The following STPG4 variants were observed in gnomAD, a reference collection of about 807,000 sequenced individuals.
STPG4 encodes sperm-tail PG-rich repeat containing 4.
Under a neutral mutation model 31.5 loss-of-function variants are expected in STPG4, and 41 were observed. The observed-to-expected ratio is 1.30, with a 90% CI of 1.01 to 1.69. The LOEUF (loss-of-function observed/expected upper bound fraction) is 1.69, where lower values mean the gene tolerates loss of function less well. STPG4 is among the 40% of genes most tolerant of loss of function. The pLI is 0.00. For missense variants in STPG4, 375 were observed against 293.4 expected (o/e 1.28, Z -2.03); for synonymous variants, 141 against 103.0 (o/e 1.37, Z -2.24).
In STPG4 at chr2:47,087,074, C is replaced by G; in HGVS notation, c.681G>C (p.Pro227=). 6.4e-7 allele frequency: 1 copy of G among 1,551,754 alleles called. No homozygotes were observed. The highest frequency in any genetic ancestry group is 8.7e-7 in the Non-Finnish European group (1 of 1,146,990). The change falls in exon 7 of 7, where the codon CCG becomes CCC. Residue 227 remains proline (P), a synonymous_variant. Transcript: ENST00000445927. The stretch of plus-strand genomic sequence containing the variant: ...GCTCTTGGCCCATTTTGGCTATGGT[C>G]GGAGACTGCTTAGGGAATTGTCTTA... ...TTLRQFPKQS[P]TIAKMGQEHS...
At chr2:47,143,954 C>G (rs1236789040) in intron 3 of STPG4, among the ~76,000 whole-genome samples, 3 of 152,132 alleles carry the variant, frequency 2.0e-5, no homozygotes, top group African/African-American at 7.2e-5. Context: ...TTTGCATTGA[C>G]TGACCTTGTT....
intron 5 of STPG4, among the ~76,000 whole-genome samples, chr2:47,107,931 T>C (rs1352515365): frequency 6.6e-6 from 1 of 151,992 alleles, no homozygotes; most frequent in East Asian, 1.9e-4. Flanking sequence ...AGAACCTTTA[T>C]GTCTAGCTCA....
intron 3 of STPG4, among the ~76,000 whole-genome samples, chr2:47,138,706 C>A (rs913661681): frequency 4.6e-5 from 7 of 152,190 alleles, no homozygotes; most frequent in Non-Finnish European, 8.8e-5. Context: ...CGTGCCACCA[C>A]ACCCAGCTAA....
intron 5 of STPG4, among the ~76,000 whole-genome samples, chr2:47,108,212 G>A (rs1295235347): frequency 2.0e-5 from 3 of 151,448 alleles, no homozygotes; most frequent in Non-Finnish European, 2.9e-5. Context: ...CTACCAATCA[G>A]CAGGATGTGG....
intron 5 of STPG4, among the ~76,000 whole-genome samples, chr2:47,127,253 T>C (rs13002755): frequency 1.2e-4 from 1 of 8,362 alleles, no homozygotes; most frequent in African/African-American, 2.4e-4. Context: ...AAGCTAATTC[T>C]TTTTTTTTTT....
At chr2:47,095,042 G>C (rs984896079) in intron 5 of STPG4, among the ~76,000 whole-genome samples, 1 of 152,218 alleles carries the variant, frequency 6.6e-6, no homozygotes, top group Admixed American at 6.5e-5. Context: ...GCCTCCTAGA[G>C]AACGTGAGAG....
At chr2:47,126,520 T>G (rs192351077) in intron 5 of STPG4, among the ~76,000 whole-genome samples, 77 of 151,918 alleles carry the variant, frequency 5.1e-4, no homozygotes, top group African/African-American at 1.8e-3. Context: ...AGAGATGGAG[T>G]CTCTCTATGT....
chr2:47,090,560 G>A (rs1685550924), intron 5 of STPG4, among the ~76,000 whole-genome samples, 186 bp from the exon 6 acceptor site: 2 of 152,178 alleles, frequency 1.3e-5, no homozygotes, highest in South Asian at 2.1e-4. Flanking sequence ...AGTAACTCCT[G>A]CCTCACCTTC....
chr2:47,103,910 G>T (rs183268641), intron 5 of STPG4, among the ~76,000 whole-genome samples: 1 of 151,902 alleles, frequency 6.6e-6, no homozygotes, highest in East Asian at 1.9e-4. Context: ...TGTCCTGGAC[G>T]ACTATCCTCA....
At chr2:47,115,639 T>C (rs1013821224) in intron 5 of STPG4, among the ~76,000 whole-genome samples, 2 of 148,420 alleles carry the variant, frequency 1.3e-5, no homozygotes, top group African/African-American at 4.9e-5. Flanking sequence ...CCATCTCTTG[T>C]TCACATTAAA....
At chr2:47,152,841 G>A in intron 2 of STPG4, 116 bp downstream of exon 2, 1 of 696,126 alleles carries the variant, frequency 1.4e-6, no homozygotes. Context: ...GGTCCATGCA[G>A]ATCTGAACAA....
chr2:47,120,543 G>C (rs1190311298), intron 5 of STPG4, among the ~76,000 whole-genome samples: 1 of 147,242 alleles, frequency 6.8e-6, no homozygotes, highest in Non-Finnish European at 1.5e-5. Context: ...CTCCAGCCTG[G>C]GCGAAAGAGC....
chr2:47,097,391 C>A (rs1044627214), intron 5 of STPG4, among the ~76,000 whole-genome samples: 1 of 152,140 alleles, frequency 6.6e-6, no homozygotes, highest in African/African-American at 2.4e-5. Context: ...GATGTCCCCC[C>A]AAAATTCGTA....
At chr2:47,121,847 C>CATGT (rs1217547925) in intron 5 of STPG4, among the ~76,000 whole-genome samples, 4 of 144,220 alleles carry the variant, frequency 2.8e-5, no homozygotes, top group African/African-American at 1.1e-4. Context: ...GCCCTCTCCT[C>CATGT]GTGTGTGTGT....
At position 47,151,242 on chromosome 2, in the gene STPG4, G is replaced by T; in HGVS notation, c.399+16C>A. 1 of 1,613,406 alleles carries T rather than the reference G, an allele frequency of 6.2e-7. No individual in the cohort carries two copies. The highest frequency in any genetic ancestry group is 1.1e-5 in the South Asian group (1 of 90,962). On this transcript the variant is annotated intron_variant, in intron 3 of 6. Transcript: ENST00000445927. Reference sequence around the variant, plus strand: ...GTAGCTTTCCCACACAAAGCAATCTGCCAGTAGCGCTTTACCTGATCTTTG... The same window carrying T: ...GTAGCTTTCCCACACAAAGCAATCTTCCAGTAGCGCTTTACCTGATCTTTG...
intron 5 of STPG4, among the ~76,000 whole-genome samples, chr2:47,119,703 G>C (rs1307231129): frequency 6.6e-6 from 1 of 152,198 alleles, no homozygotes; most frequent in African/African-American, 2.4e-5. Flanking sequence ...ACTAGGGGCT[G>C]CTCACCCAGT....
intron 5 of STPG4, among the ~76,000 whole-genome samples, chr2:47,107,301 G>A (rs1028909503): frequency 3.9e-5 from 6 of 152,230 alleles, no homozygotes; most frequent in Admixed American, 1.3e-4. Context: ...AGTGGGAACC[G>A]GGGCTGCGCG....
chr2:47,091,453 C>T (rs1294773681), intron 5 of STPG4, among the ~76,000 whole-genome samples: 1 of 152,210 alleles, frequency 6.6e-6, no homozygotes, highest in East Asian at 1.9e-4. Context: ...CTGGATAATG[C>T]TAACATGATG....
At chr2:47,090,584 G>C (rs552074965) in intron 5 of STPG4, among the ~76,000 whole-genome samples, 1 of 152,284 alleles carries the variant, frequency 6.6e-6, no homozygotes, top group East Asian at 1.9e-4. Context: ...GTGCACGATG[G>C]TGAGGAGTGA....
Sources: allele counts gnomAD v4.1 joint callset (sites outside exome capture counted in the v4.1 genomes callset), GRCh38; gene constraint gnomAD v4.1.1; transcripts MANE v1.5; gene names NCBI Gene and HGNC (gene_info 2026-07-23, HGNC 2026-07-21).